The following ASCC3 variants were observed in gnomAD, a reference collection of about 807,000 sequenced individuals.
ASCC3 encodes activating signal cointegrator 1 complex subunit 3, also known as ASC-1 complex subunit P200.
ASCC3 carries 158 observed loss-of-function variants against 256.3 expected under a neutral mutation model. The ratio of observed to expected loss-of-function variants is 0.62; its 90% CI spans 0.54 to 0.70. ASCC3 has a LOEUF of 0.70. Ranked by LOEUF, ASCC3 falls within the 30% of genes least tolerant of loss-of-function variation. The probability of loss-of-function intolerance (pLI) is 0.00; values close to 1 mark genes in which losing one functional copy is unlikely to be tolerated. For missense variants in ASCC3, 2,259 were observed against 2,626.0 expected (o/e 0.86, Z 3.05); for synonymous variants, 948 against 883.4 (o/e 1.07, Z -1.30).
intron 10 of ASCC3, among the ~76,000 whole-genome samples, chr6:100,765,474 C>A (rs1781610546): frequency 1.3e-5 from 2 of 152,300 alleles, no homozygotes; most frequent in Non-Finnish European, 2.9e-5. Flanking sequence ...TTGGTCTCCA[C>A]ATTCCTTTCT....
At chr6:100,568,521 T>C (rs565925626) in intron 36 of ASCC3, among the ~76,000 whole-genome samples, 1 of 152,180 alleles carries the variant, frequency 6.6e-6, no homozygotes, top group East Asian at 1.9e-4. Context: ...TCATGTCTTT[T>C]ACCCATTTTT....
intron 1 of ASCC3, among the ~76,000 whole-genome samples, chr6:100,879,504 C>CAT (rs1340573635): frequency 6.6e-6 from 1 of 152,086 alleles, no homozygotes; most frequent in African/African-American, 2.4e-5. Flanking sequence ...AATTCATTAG[C>CAT]ATACAAAAAG....
At chr6:100,704,608 A>T (rs1021890869) in intron 13 of ASCC3, among the ~76,000 whole-genome samples, 2 of 152,052 alleles carry the variant, frequency 1.3e-5, no homozygotes, top group Admixed American at 6.6e-5. Flanking sequence ...TATAATTATT[A>T]GTCAATTTTT....
chr6:100,579,361 T>A (rs1473723226), intron 36 of ASCC3, among the ~76,000 whole-genome samples: 1 of 152,134 alleles, frequency 6.6e-6, no homozygotes, highest in African/African-American at 2.4e-5. Context: ...GTCTCATTTG[T>A]CAACTTTTGT....
At chr6:100,721,850 G>A (rs1246781003) in intron 11 of ASCC3, among the ~76,000 whole-genome samples, 1 of 151,178 alleles carries the variant, frequency 6.6e-6, no homozygotes, top group Non-Finnish European at 1.5e-5. Flanking sequence ...GGTCCTACCT[G>A]TCAATTTTTG....
intron 24 of ASCC3, among the ~76,000 whole-genome samples, chr6:100,641,678 G>T (rs1322308279): frequency 1.3e-5 from 2 of 152,116 alleles, no homozygotes; most frequent in Non-Finnish European, 2.9e-5. Flanking sequence ...ATACACAAAG[G>T]ATTATAAATC....
intron 30 of ASCC3, among the ~76,000 whole-genome samples, chr6:100,611,852 A>G (rs76639215): frequency 0.033 from 4,592 of 138,142 alleles, 77 homozygotes; most frequent in African/African-American, 0.058. Context: ...TGTTAAGAAG[A>G]GTTGCTATAG....
intron 10 of ASCC3, among the ~76,000 whole-genome samples, chr6:100,748,856 C>A (rs1254546105): frequency 6.6e-6 from 1 of 151,898 alleles, no homozygotes. Flanking sequence ...AACCCATAGA[C>A]CATTCAATGA....
intron 10 of ASCC3, among the ~76,000 whole-genome samples, chr6:100,739,429 T>G (rs1434752983): frequency 6.6e-6 from 1 of 152,200 alleles, no homozygotes; most frequent in African/African-American, 2.4e-5. Context: ...TTCCAGGTTT[T>G]GGCATCAGGA....
At chr6:100,851,335 T>C (rs1439331468) in intron 3 of ASCC3, among the ~76,000 whole-genome samples, 1 of 152,196 alleles carries the variant, frequency 6.6e-6, no homozygotes, top group East Asian at 1.9e-4. Flanking sequence ...AAGAACAGCC[T>C]TATTATCTAA....
At chr6:100,777,181 C>T (rs1442602595) in intron 8 of ASCC3, among the ~76,000 whole-genome samples, 1 of 152,030 alleles carries the variant, frequency 6.6e-6, no homozygotes, top group African/African-American at 2.4e-5. Flanking sequence ...TTTTAGATAA[C>T]TGGATAAATT....
intron 36 of ASCC3, among the ~76,000 whole-genome samples, chr6:100,560,333 C>A (rs887770183): frequency 6.6e-6 from 1 of 151,992 alleles, no homozygotes; most frequent in Non-Finnish European, 1.5e-5. Flanking sequence ...CAGGGAAGAT[C>A]CCATTTGGAT....
At chr6:100,596,212 A>G (rs540204528) in intron 34 of ASCC3, among the ~76,000 whole-genome samples, 1 of 152,232 alleles carries the variant, frequency 6.6e-6, no homozygotes, top group African/African-American at 2.4e-5. Context: ...TAGCCTTATG[A>G]TCTCTATGTT....
At chr6:100,775,954 TATTTGA>T (rs2115155942) in intron 8 of ASCC3, among the ~76,000 whole-genome samples, 1 of 152,196 alleles carries the variant, frequency 6.6e-6, no homozygotes, top group South Asian at 2.1e-4. Flanking sequence ...AGATTTCTTA[TATTTGA>T]ATAATATTCA....
chr6:100,586,882 G>T (rs944501407), intron 36 of ASCC3, among the ~76,000 whole-genome samples: 1 of 152,072 alleles, frequency 6.6e-6, no homozygotes, highest in Non-Finnish European at 1.5e-5. Flanking sequence ...AAATATTATG[G>T]TAAGTTCAAA....
intron 13 of ASCC3, among the ~76,000 whole-genome samples, chr6:100,707,784 T>C (rs1276585955): frequency 6.6e-6 from 1 of 152,124 alleles, no homozygotes; most frequent in African/African-American, 2.4e-5. Context: ...TGTCCAGCTA[T>C]GGTCAAAAGA....
At chr6:100,760,279 C>T (rs1382060081) in intron 10 of ASCC3, among the ~76,000 whole-genome samples, 2 of 152,118 alleles carry the variant, frequency 1.3e-5, no homozygotes, top group Non-Finnish European at 2.9e-5. Context: ...ATGATATTCG[C>T]TGTGGGACTG....
intron 36 of ASCC3, among the ~76,000 whole-genome samples, chr6:100,565,111 C>A (rs939005297): frequency 1.3e-5 from 2 of 152,102 alleles, no homozygotes; most frequent in Admixed American, 6.6e-5. Flanking sequence ...GTTGGCATTA[C>A]CAAAGAACTG....
chr6:100,579,930 T>G (rs780162914), intron 36 of ASCC3, among the ~76,000 whole-genome samples: 11 of 152,204 alleles, frequency 7.2e-5, no homozygotes, highest in Non-Finnish European at 1.6e-4. Flanking sequence ...ATGGCCATTT[T>G]AACAATAGCG....
Sources: allele counts gnomAD v4.1 joint callset (sites outside exome capture counted in the v4.1 genomes callset), GRCh38; gene constraint gnomAD v4.1.1; transcripts MANE v1.5; gene names NCBI Gene and HGNC (gene_info 2026-07-23, HGNC 2026-07-21).